The following SPPL2A variants were observed in gnomAD, a reference collection of about 807,000 sequenced individuals.
SPPL2A encodes the protein signal peptide peptidase-like 2A.
SPPL2A carries 51 observed loss-of-function variants against 63.8 expected under a neutral mutation model. That is an observed-to-expected ratio of 0.80 (90% CI 0.64 to 1.01). The LOEUF (loss-of-function observed/expected upper bound fraction) is 1.01. Ranked by LOEUF, SPPL2A falls within the 50% of genes least tolerant of loss-of-function variation. The pLI is 0.00. For synonymous variants in SPPL2A, 188 were observed against 205.8 expected (o/e 0.91, Z 0.74); for missense variants, 553 against 622.7 (o/e 0.89, Z 1.19).
intron 10 of SPPL2A, among the ~76,000 whole-genome samples, chr15:50,729,992 C>A: frequency 2.4e-5 from 2 of 82,958 alleles, no homozygotes. Context: ...AAGACTCGGC[C>A]TTTTAAAAAA....
intron 14 of SPPL2A, among the ~76,000 whole-genome samples, chr15:50,716,082 A>T (rs749047426): frequency 6.6e-6 from 1 of 152,344 alleles, no homozygotes. Flanking sequence ...GCACAGAAGG[A>T]AATTCACTTA....
In SPPL2A at chr15:50,702,514, A is replaced by T. The variant is rs1467218492; in HGVS notation, c.*5286T>A. ...TCAAACCAATTATCTGAGAAGTAAA[A>T]ATTCAATCATGTTTTAAAAAATGTT... On this transcript the variant is annotated 3_prime_UTR_variant, in exon 15 of 15. Coordinates refer to ENST00000261854, the MANE Select transcript of SPPL2A (RefSeq NM_032802.4). The T allele has an allele frequency of 2.6e-5, 4 of 152,230 alleles. No individual in the cohort carries two copies. The highest frequency in any genetic ancestry group is 4.4e-5 in the Non-Finnish European group (3 of 68,032). 9.4% of individuals were successfully genotyped at this position (152,230 alleles called of 1,614,324 possible).
Position 50,765,659 on chromosome 15 carries a change from C to A in SPPL2A, c.-126G>T, listed in dbSNP as rs1038850072. Reference sequence around the variant, plus strand: ...GACCGGACAGGCGCGGGCGGCCGGGCTACGACTGGACCGCCGCTGCTACAG... The same window carrying A: ...GACCGGACAGGCGCGGGCGGCCGGGATACGACTGGACCGCCGCTGCTACAG... On this transcript the variant is annotated 5_prime_UTR_variant, in exon 1 of 15. Coordinates refer to ENST00000261854, the MANE Select transcript of SPPL2A (RefSeq NM_032802.4). 9.2e-6 allele frequency: 5 copies of A among 543,984 alleles called. No individual in the cohort carries two copies. Among genetic ancestry groups the A allele is most frequent in the African/African-American group, 4.0e-5 (2 of 50,504 alleles). The allele number at this position is 543,984 out of a possible 1,614,324, so 33.7% of individuals were successfully genotyped here. A position where few individuals can be genotyped will look rare whatever the true frequency, so the allele number is the denominator to read the frequency against.
At chr15:50,723,116 G>A (rs1015395228) in intron 12 of SPPL2A, among the ~76,000 whole-genome samples, 5 of 151,996 alleles carry the variant, frequency 3.3e-5, no homozygotes, top group South Asian at 2.1e-4. Context: ...ATGAGATATC[G>A]CCTTACATAT....
chr15:50,760,288 T>C (rs2141064230), intron 1 of SPPL2A, among the ~76,000 whole-genome samples: 1 of 151,750 alleles, frequency 6.6e-6, no homozygotes, highest in South Asian at 2.1e-4. Context: ...CCCAAGACAG[T>C]CTTGCTCTGT....
chr15:50,719,276 C>G, intron 14 of SPPL2A, among the ~76,000 whole-genome samples: 1 of 152,090 alleles, frequency 6.6e-6, no homozygotes, highest in Non-Finnish European at 1.5e-5. Flanking sequence ...TGGAGTTTCA[C>G]TCTTGTTGCC....
At chr15:50,717,537 A>T (rs1242835905) in intron 14 of SPPL2A, among the ~76,000 whole-genome samples, 1 of 152,098 alleles carries the variant, frequency 6.6e-6, no homozygotes, top group Non-Finnish European at 1.5e-5. Context: ...AGATTTCTTA[A>T]AACCTTAAAT....
intron 1 of SPPL2A, 32 bp downstream of exon 1, chr15:50,765,436 T>A: frequency 6.7e-7 from 1 of 1,483,444 alleles, no homozygotes; most frequent in African/African-American, 1.4e-5. Context: ...GCCCAGCCCC[T>A]GGGAGGCCTG....
chr15:50,750,005 G>C (rs767247359), intron 1 of SPPL2A, among the ~76,000 whole-genome samples: 3 of 152,120 alleles, frequency 2.0e-5, no homozygotes, highest in Non-Finnish European at 4.4e-5. Context: ...CTTGTTATAA[G>C]GGCCGTACCC....
In SPPL2A at chr15:50,748,450, A is replaced by C. The variant is rs143576235; in HGVS notation, c.360+238T>G. On this transcript the variant is annotated intron_variant, in intron 3 of 14. Coordinates refer to ENST00000261854, the MANE Select transcript of SPPL2A (RefSeq NM_032802.4). Reference sequence around the variant, plus strand: ...ATATGTGTAATACATATATATCTCTATATATATGCATATATATATATTTGT... The same window carrying C: ...ATATGTGTAATACATATATATCTCTCTATATATGCATATATATATATTTGT... Among the ~76,000 whole-genome samples, 63 of 151,678 alleles carry C rather than the reference A, an allele frequency of 4.2e-4. 1 individual carries two copies. The highest frequency in any genetic ancestry group is 7.7e-4 in the East Asian group (4 of 5,174).
chr15:50,711,779 C>T (rs2062561162), intron 14 of SPPL2A, among the ~76,000 whole-genome samples: 1 of 151,718 alleles, frequency 6.6e-6, no homozygotes, highest in Non-Finnish European at 1.5e-5. Flanking sequence ...TTCGAATGAA[C>T]CAAATGACTA....
chr15:50,763,913 A>C (rs1567170772), intron 1 of SPPL2A, among the ~76,000 whole-genome samples: 1 of 152,094 alleles, frequency 6.6e-6, no homozygotes, highest in Non-Finnish European at 1.5e-5. Flanking sequence ...AAACAAAAAC[A>C]ACAACAAAAA....
intron 2 of SPPL2A, 71 bp from the exon 3 acceptor site, chr15:50,748,941 C>G: frequency 1.1e-6 from 1 of 922,344 alleles, no homozygotes; most frequent in South Asian, 1.9e-5. Context: ...GTTATAAATA[C>G]TGCCTTTGGT....
intron 9 of SPPL2A, among the ~76,000 whole-genome samples, chr15:50,731,744 A>G (rs1275701545): frequency 6.6e-6 from 1 of 151,514 alleles, no homozygotes; most frequent in African/African-American, 2.4e-5. Flanking sequence ...CCTGGCCAAC[A>G]TGGTGAAACG....
chr15:50,749,846 C>T, intron 1 of SPPL2A, 100 bp from the exon 2 acceptor site: 1 of 731,116 alleles, frequency 1.4e-6, no homozygotes, highest in South Asian at 1.5e-5. Flanking sequence ...ATCACATTTC[C>T]TTGAGAGGGA....
At chr15:50,748,904 A>C (rs1224406112) in intron 2 of SPPL2A, 34 bp from the exon 3 acceptor site, 18 of 1,440,144 alleles carry the variant, frequency 1.2e-5, no homozygotes, top group Non-Finnish European at 1.7e-5. Context: ...AACATGTTAA[A>C]AATCTATTTC....
intron 1 of SPPL2A, among the ~76,000 whole-genome samples, chr15:50,760,537 G>A (rs945816631): frequency 2.6e-5 from 4 of 152,144 alleles, no homozygotes; most frequent in African/African-American, 9.7e-5. Flanking sequence ...GGGATTACAA[G>A]TATGAGCCAC....
intron 14 of SPPL2A, among the ~76,000 whole-genome samples, chr15:50,709,309 G>A (rs1387801551): frequency 1.3e-5 from 2 of 152,162 alleles, no homozygotes; most frequent in African/African-American, 4.8e-5. Flanking sequence ...TTAGAAGAAG[G>A]AAAGATCAGC....
At chr15:50,738,237 G>A (rs981121058) in intron 6 of SPPL2A, among the ~76,000 whole-genome samples, 4 of 151,506 alleles carry the variant, frequency 2.6e-5, no homozygotes, top group Non-Finnish European at 5.9e-5. Context: ...GCTGTCACAG[G>A]ACAAGAGAAA....
Sources: gnomAD v4.1 joint callset for allele counts (sites outside exome capture counted in the v4.1 genomes callset) on GRCh38, gnomAD v4.1.1 for gene constraint, MANE v1.5 for transcripts, NCBI Gene and HGNC (gene_info 2026-07-23, HGNC 2026-07-21) for gene names.